PDE4D: variants seen among roughly 807,000 people sequenced by gnomAD.
PDE4D encodes 3',5'-cyclic-AMP phosphodiesterase 4D.
A neutral mutation model predicts 87.4 loss-of-function variants in PDE4D; 24 were observed. The ratio of observed to expected loss-of-function variants is 0.27; its 90% CI spans 0.20 to 0.39. PDE4D has a LOEUF of 0.39. PDE4D is among the 10% of genes least tolerant of loss of function. PDE4D has a pLI of 1.00. For missense variants in PDE4D, 714 were observed against 1,041.0 expected (o/e 0.69, Z 4.32); for synonymous variants, 384 against 383.2 (o/e 1.00, Z -0.02).
Position 59,893,314 on chromosome 5 carries a change from G to A in PDE4D, c.309C>T (p.Arg103=). Residue 103 remains arginine, a synonymous_variant, in exon 1 of 15, where the codon CGC becomes CGT. Transcript: ENST00000340635. ...TGTCCGAGTAGCCGCGATGCCGGAC[G>A]CGGCCGGTGGCCCCGCTCGAGGCGT... ...GRYASSGATG[R]VRHRGYSDTE... 6.6e-7 allele frequency: 1 copy of A among 1,525,218 alleles called. No homozygotes were observed. Among genetic ancestry groups the A allele is most frequent in the Non-Finnish European group, 8.8e-7 (1 of 1,134,824 alleles). 94.5% of individuals were successfully genotyped at this position (1,525,218 alleles called of 1,614,324 possible). A position where few individuals can be genotyped will look rare whatever the true frequency, so the allele number is the denominator to read the frequency against.
chr5:59,200,008 T>C (rs111206688), intron 2 of PDE4D, among the ~76,000 whole-genome samples: 4,016 of 122,252 alleles, frequency 0.033, 168 homozygotes, highest in African/African-American at 0.095. Flanking sequence ...GCATGCAACA[T>C]ACATACATGC....
Position 59,820,449 on chromosome 5 carries a change from G to A in PDE4D, c.455+72719C>T, listed in dbSNP as rs1461553110. ...CTCTCCTATTTTTTGAAGTTTAGAG[G>A]AAGAAAACTGCCTGGATGCTAAGTG... On this transcript the variant is annotated intron_variant, in intron 1 of 14. Transcript: ENST00000340635. Among the ~76,000 whole-genome samples the A allele has an allele frequency of 2.0e-5, 3 of 152,172 alleles. No homozygotes were observed. In the East Asian group the frequency reaches 5.8e-4, roughly 29 times the overall value.
chr5:59,403,814 A>T (rs570953970), intron 1 of PDE4D, among the ~76,000 whole-genome samples: 1 of 152,304 alleles, frequency 6.6e-6, no homozygotes, highest in South Asian at 2.1e-4. Context: ...GTGTATACCT[A>T]CCTAGAAGTG....
chr5:60,342,253 T>A (rs1398339436), intron 1 of PDE4D, among the ~76,000 whole-genome samples: 1 of 152,212 alleles, frequency 6.6e-6, no homozygotes, highest in Non-Finnish European at 1.5e-5. Context: ...TTTAAAATCA[T>A]CTCCTGCTTT....
At chr5:59,238,938 A>G (rs1006704758) in intron 1 of PDE4D, among the ~76,000 whole-genome samples, 1 of 152,162 alleles carries the variant, frequency 6.6e-6, no homozygotes, top group Non-Finnish European at 1.5e-5. Flanking sequence ...TTGCCTAGAG[A>G]CAACGTTAAG....
At chr5:59,771,487 G>GAAAGAAAGAAAGAAAGAA (rs56311802) in intron 1 of PDE4D, among the ~76,000 whole-genome samples, 5 of 58,012 alleles carry the variant, frequency 8.6e-5, no homozygotes, top group Admixed American at 2.0e-4. Flanking sequence ...GAAAGAAAGA[G>GAAAGAAAGAAAGAAAGAA]AGAGAGAGAG....
At chr5:59,064,460 C>T (rs562158546) in intron 5 of PDE4D, among the ~76,000 whole-genome samples, 34 of 152,190 alleles carry the variant, frequency 2.2e-4, no homozygotes, top group African/African-American at 7.7e-4. Flanking sequence ...AAAAAGCACG[C>T]AGCCCTGATG....
intron 1 of PDE4D, among the ~76,000 whole-genome samples, chr5:59,272,951 A>C (rs1764100305): frequency 6.6e-6 from 1 of 152,154 alleles, no homozygotes; most frequent in African/African-American, 2.4e-5. Flanking sequence ...CAAACTTCCA[A>C]ACGTAATGTT....
intron 2 of PDE4D, among the ~76,000 whole-genome samples, chr5:60,001,256 C>T (rs1272605507): frequency 6.6e-6 from 1 of 152,152 alleles, no homozygotes; most frequent in Non-Finnish European, 1.5e-5. Flanking sequence ...TAAAATCAGC[C>T]TGTAAAGACC....
At chr5:59,740,418 T>C (rs867028932) in intron 1 of PDE4D, among the ~76,000 whole-genome samples, 4 of 152,182 alleles carry the variant, frequency 2.6e-5, no homozygotes, top group African/African-American at 7.2e-5. Context: ...TTTATAAGCA[T>C]TGTCTTGACG....
chr5:60,159,778 T>C (rs543852832), intron 2 of PDE4D, among the ~76,000 whole-genome samples: 1 of 152,344 alleles, frequency 6.6e-6, no homozygotes, highest in East Asian at 1.9e-4. Context: ...GATTCTCACC[T>C]TCCTCTTGCA....
intron 1 of PDE4D, among the ~76,000 whole-genome samples, chr5:59,228,726 C>T (rs552080104): frequency 4.6e-5 from 7 of 152,224 alleles, no homozygotes; most frequent in South Asian, 4.1e-4. Context: ...GAAAATACTA[C>T]GTTCTCCCAA....
intron 1 of PDE4D, among the ~76,000 whole-genome samples, chr5:59,616,941 A>ATATATATATATATATATATATC (rs1278960416): frequency 6.5e-5 from 9 of 137,748 alleles, no homozygotes; most frequent in Non-Finnish European, 9.4e-5. Context: ...ATATATATAT[A>ATATATATATATATATATATATC]TATATCTCCA....
chr5:60,251,743 T>G (rs1252187097), intron 1 of PDE4D, among the ~76,000 whole-genome samples: 1 of 151,920 alleles, frequency 6.6e-6, no homozygotes, highest in Non-Finnish European at 1.5e-5. Context: ...AGTAATAGGA[T>G]TGCTGGGCCG....
At chr5:59,579,695 T>G (rs1823758735) in intron 1 of PDE4D, among the ~76,000 whole-genome samples, 1 of 152,164 alleles carries the variant, frequency 6.6e-6, no homozygotes, top group Non-Finnish European at 1.5e-5. Flanking sequence ...AGAGCTGAAT[T>G]CATCTATGCT....
chr5:59,711,756 TTATGA>T (rs1332393097), intron 1 of PDE4D, among the ~76,000 whole-genome samples: 6 of 152,186 alleles, frequency 3.9e-5, no homozygotes, highest in Non-Finnish European at 7.4e-5. Context: ...CTTTTGTATA[TTATGA>T]TATATTACTT....
intron 3 of PDE4D, among the ~76,000 whole-genome samples, chr5:59,900,263 T>TACAC (rs765524262): frequency 0.017 from 2,298 of 135,770 alleles, 57 homozygotes; most frequent in African/African-American, 0.061. Context: ...TATATATATA[T>TACAC]ACACACACAC....
At chr5:59,784,235 C>T (rs1764919183) in intron 1 of PDE4D, among the ~76,000 whole-genome samples, 2 of 139,242 alleles carry the variant, frequency 1.4e-5, no homozygotes, top group Non-Finnish European at 3.2e-5. Flanking sequence ...CCAAAAGTAA[C>T]TTCCTTTTTT....
intron 1 of PDE4D, among the ~76,000 whole-genome samples, chr5:59,805,925 C>G (rs1327196172): frequency 6.6e-6 from 1 of 152,228 alleles, no homozygotes; most frequent in Admixed American, 6.5e-5. Context: ...GGGTCACTCT[C>G]CTATTGAGTC....
Sources: gnomAD v4.1 joint callset for allele counts (sites outside exome capture counted in the v4.1 genomes callset) on GRCh38, gnomAD v4.1.1 for gene constraint, MANE v1.5 for transcripts, NCBI Gene and HGNC (gene_info 2026-07-23, HGNC 2026-07-21) for gene names.